Variants in LINGO2 observed in about 807,000 individuals in gnomAD.
The protein encoded by LINGO2 is leucine-rich repeat and immunoglobulin-like domain-containing nogo receptor-interacting protein 2.
In LINGO2, 14 loss-of-function variants were observed where a neutral mutation model predicts 30.6. That is an observed-to-expected ratio of 0.46 (90% CI 0.30 to 0.72). The LOEUF (loss-of-function observed/expected upper bound fraction) is 0.72. Ranked by LOEUF, LINGO2 falls within the 30% of genes least tolerant of loss-of-function variation. The pLI is 0.07. For synonymous variants in LINGO2, 317 were observed against 288.5 expected (o/e 1.10, Z -1.00); for missense variants, 729 against 751.7 (o/e 0.97, Z 0.35).
chr9:28,903,671 T>A, the LINGO2 span, among the ~76,000 whole-genome samples: 1 of 151,998 alleles, frequency 6.6e-6, no homozygotes, highest in African/African-American at 2.4e-5. Flanking sequence ...AGAGGTGGGG[T>A]CTTGCTATAT....
chr9:28,268,094 A>T (rs1328921423), intron 4 of LINGO2, among the ~76,000 whole-genome samples: 1 of 152,102 alleles, frequency 6.6e-6, no homozygotes, highest in Non-Finnish European at 1.5e-5. Context: ...AGCCACACAC[A>T]CAAACACATA....
exon 6 of LINGO2, chr9:27,948,563 G>T: frequency 3.1e-6 from 1 of 321,120 alleles, no homozygotes; most frequent in African/African-American, 2.1e-5. Flanking sequence ...CTGAATAATT[G>T]TCCGTGAGTG....
At chr9:28,814,203 C>A in the LINGO2 span, among the ~76,000 whole-genome samples, 2 of 152,106 alleles carry the variant, frequency 1.3e-5, no homozygotes, top group Non-Finnish European at 1.5e-5. Context: ...CTTTGGGAGG[C>A]CAAGGCAGGC....
chr9:28,799,819 T>G, the LINGO2 span, among the ~76,000 whole-genome samples: 1 of 152,110 alleles, frequency 6.6e-6, no homozygotes, highest in Non-Finnish European at 1.5e-5. Context: ...ACTCATCACT[T>G]GGTTTGACAA....
At chr9:28,060,760 G>A (rs62556508) in intron 4 of LINGO2, among the ~76,000 whole-genome samples, 12,320 of 152,212 alleles carry the variant, frequency 0.081, 677 homozygotes, top group Middle Eastern at 0.16. Flanking sequence ...ACAGCAAATC[G>A]TCAGTCCAAG....
chr9:28,058,927 A>G (rs1825050651), intron 4 of LINGO2, among the ~76,000 whole-genome samples: 2 of 152,184 alleles, frequency 1.3e-5, no homozygotes, highest in Admixed American at 6.5e-5. Flanking sequence ...TTATAAGTAA[A>G]CAATTATATA....
At chr9:28,943,880 T>C in the LINGO2 span, among the ~76,000 whole-genome samples, 328 of 152,310 alleles carry the variant, frequency 2.2e-3, 1 homozygote, top group African/African-American at 7.6e-3. Context: ...CCAGTGAATC[T>C]TGTCGAGCTA....
At chr9:28,175,002 A>G (rs191411554) in intron 4 of LINGO2, among the ~76,000 whole-genome samples, 3 of 152,028 alleles carry the variant, frequency 2.0e-5, no homozygotes, top group Non-Finnish European at 4.4e-5. Context: ...TCTACTGGCC[A>G]AGTATTGTAT....
intron 4 of LINGO2, among the ~76,000 whole-genome samples, chr9:28,272,425 C>T (rs867807890): frequency 2.0e-4 from 31 of 151,978 alleles, no homozygotes; most frequent in Middle Eastern, 3.4e-3. Flanking sequence ...GCATTTGCAG[C>T]TGCTAAATCT....
intron 3 of LINGO2, among the ~76,000 whole-genome samples, chr9:28,304,318 T>G (rs901732438): frequency 6.6e-6 from 1 of 150,992 alleles, no homozygotes; most frequent in African/African-American, 2.4e-5. Context: ...TAGCTACATA[T>G]ATGTATAATT....
chr9:28,125,290 A>G (rs1194750711), intron 4 of LINGO2, among the ~76,000 whole-genome samples: 3 of 152,224 alleles, frequency 2.0e-5, no homozygotes, highest in Non-Finnish European at 4.4e-5. Flanking sequence ...GAAATAAAAG[A>G]CATGTAGTTT....
intron 4 of LINGO2, among the ~76,000 whole-genome samples, chr9:28,204,412 A>G (rs558090406): frequency 3.3e-5 from 5 of 152,308 alleles, no homozygotes; most frequent in East Asian, 3.9e-4. Flanking sequence ...TGATACTGTG[A>G]TGCTCTTTCT....
chr9:28,454,422 T>G (rs1373503566), intron 2 of LINGO2, among the ~76,000 whole-genome samples: 1 of 151,892 alleles, frequency 6.6e-6, no homozygotes, highest in Non-Finnish European at 1.5e-5. Context: ...CCAAAAGGGT[T>G]GATATAACAC....
intron 4 of LINGO2, among the ~76,000 whole-genome samples, chr9:28,108,800 G>A (rs548029279): frequency 6.6e-6 from 1 of 152,096 alleles, no homozygotes; most frequent in East Asian, 1.9e-4. Flanking sequence ...TACCCTGAGA[G>A]ATAAATATTT....
At chr9:28,923,875 C>A in the LINGO2 span, among the ~76,000 whole-genome samples, 3 of 152,076 alleles carry the variant, frequency 2.0e-5, no homozygotes, top group Non-Finnish European at 4.4e-5. Flanking sequence ...ATAACTGTTA[C>A]ACTTGGCAAT....
chr9:28,516,468 G>C (rs1328030767), intron 1 of LINGO2, among the ~76,000 whole-genome samples: 1 of 152,172 alleles, frequency 6.6e-6, no homozygotes, highest in Non-Finnish European at 1.5e-5. Flanking sequence ...GTTGGTTTTA[G>C]GGACACAGGT....
intron 1 of LINGO2, among the ~76,000 whole-genome samples, chr9:28,632,106 G>A (rs1358884526): frequency 6.6e-6 from 1 of 152,098 alleles, no homozygotes. Context: ...ATAGTGGAGT[G>A]TGACTGGTGT....
At chr9:28,480,236 G>C (rs999462786) in intron 1 of LINGO2, among the ~76,000 whole-genome samples, 1 of 151,590 alleles carries the variant, frequency 6.6e-6, no homozygotes, top group Non-Finnish European at 1.5e-5. Flanking sequence ...ATAAGAGCTG[G>C]TCAGTTCATT....
At chr9:29,065,021 T>C in the LINGO2 span, among the ~76,000 whole-genome samples, 2 of 152,078 alleles carry the variant, frequency 1.3e-5, no homozygotes, top group African/African-American at 4.8e-5. Flanking sequence ...ACCACAGGTA[T>C]GTGAGGTGCA....
Sources: gnomAD v4.1 joint callset for allele counts (sites outside exome capture counted in the v4.1 genomes callset) on GRCh38, gnomAD v4.1.1 for gene constraint, MANE v1.5 for transcripts, NCBI Gene and HGNC (gene_info 2026-07-23, HGNC 2026-07-21) for gene names.